USP38: variants seen among roughly 807,000 people sequenced by gnomAD.
USP38 encodes ubiquitin carboxyl-terminal hydrolase 38.
A neutral mutation model predicts 94.3 loss-of-function variants in USP38; 49 were observed. That is an observed-to-expected ratio of 0.52 (90% CI 0.41 to 0.66). USP38 has a LOEUF of 0.66. USP38 is among the 30% of genes least tolerant of loss of function. The pLI, the probability that USP38 is intolerant of heterozygous loss-of-function variation, is 0.00. For missense variants in USP38, 1,128 were observed against 1,229.4 expected, an observed-to-expected ratio of 0.92 and a Z score of 1.23; for synonymous variants, 468 against 463.6, an observed-to-expected ratio of 1.01 and a Z score of -0.12.
chr4:143,215,059 CT>C, intron 9 of USP38, 116 bp downstream of exon 9: 1 of 1,037,588 alleles, frequency 9.6e-7, no homozygotes, highest in Non-Finnish European at 1.4e-6. Context: ...AAATATAGGT[CT>C]GGATTTACAT....
chr4:143,189,443 T>C (rs913000178), intron 2 of USP38, among the ~76,000 whole-genome samples: 5 of 152,050 alleles, frequency 3.3e-5, no homozygotes, highest in Non-Finnish European at 7.4e-5. Context: ...TGTGCCCCTG[T>C]TATAAAATTA....
In USP38 at chr4:143,203,576, T is replaced by C; in HGVS notation, c.1209+10T>C. ...TCTGGAGGCAATAAAGGTATGATGA[T>C]AGTTGTACCAATATTTGTGGAGTTG... is the stretch of plus-strand genomic sequence containing the variant. On this transcript the variant is annotated intron_variant, in intron 5 of 9. Transcript: ENST00000307017. 1 of 1,602,478 alleles carries C rather than the reference T, an allele frequency of 6.2e-7. No individual in the cohort carries two copies. Among genetic ancestry groups the C allele is most frequent in the African/African-American group, 1.3e-5 (1 of 74,564 alleles).
chr4:143,209,317 G>A (rs570822727), intron 6 of USP38, among the ~76,000 whole-genome samples: 72 of 151,914 alleles, frequency 4.7e-4, no homozygotes, highest in Non-Finnish European at 9.9e-4. Context: ...ATAAATTCTT[G>A]AACTAACTTG....
rs1481450914 is a variant in USP38 at position 143,221,847 on chromosome 4, T to C, written c.*1391T>C. 6.6e-6 allele frequency: 1 copy of C among 152,094 alleles called. No homozygotes were observed. The highest frequency in any genetic ancestry group is 1.5e-5 in the Non-Finnish European group (1 of 67,958). 9.4% of individuals were successfully genotyped at this position (152,094 alleles called of 1,614,324 possible). ...TATGACAGTGGTTAAAAAACAGAAA[T>C]CCTCATGTTTATTCCATTACCTCCC... is the stretch of plus-strand genomic sequence containing the variant. On this transcript the variant is annotated 3_prime_UTR_variant, in exon 10 of 10. Coordinates refer to ENST00000307017, the MANE Select transcript of USP38 (RefSeq NM_032557.6).
At chr4:143,187,064 A>G (rs779899256) in intron 1 of USP38, among the ~76,000 whole-genome samples, 2 of 152,078 alleles carry the variant, frequency 1.3e-5, no homozygotes, top group Non-Finnish European at 2.9e-5. Context: ...CAAACGATGT[A>G]TTTGCAGTAT....
Position 143,213,850 on chromosome 4 carries a change from C to G in USP38, c.1874C>G (p.Ser625Cys), listed in dbSNP as rs148022045. 2.4e-5 allele frequency: 39 copies of G among 1,613,862 alleles called. No individual in the cohort carries two copies. The African/African-American group carries it at 5.1e-4, about 21-fold the overall frequency. The part of the protein sequence containing the change: ...DLSLAFCPSS[S>C]LENMSVQDPA... ...TCGCTTGCCTTTTGTCCTTCCTCTT[C>G]TTTGGAAAACATGTCTGTCCAAGAT... The change falls in exon 9 of 10, where the codon TCT becomes TGT. Residue 625 changes from serine to cysteine, a missense_variant. Physicochemically the swap from Ser to Cys is moderately radical, Grantham distance 112. Coordinates refer to ENST00000307017, the MANE Select transcript of USP38 (RefSeq NM_032557.6).
intron 7 of USP38, among the ~76,000 whole-genome samples, chr4:143,210,660 T>C (rs974995500): frequency 6.6e-6 from 1 of 151,704 alleles, no homozygotes; most frequent in African/African-American, 2.4e-5. Flanking sequence ...GAGTAATATA[T>C]ATGTCATTAT....
Position 143,185,409 on chromosome 4 carries a change from C to G in USP38, c.-42C>G. 2.0e-6 allele frequency: 3 copies of G among 1,524,962 alleles called. No individual in the cohort carries two copies. Among genetic ancestry groups the G allele is most frequent in the South Asian group, 1.3e-5 (1 of 76,898 alleles). 94.5% of individuals were successfully genotyped at this position (1,524,962 alleles called of 1,614,324 possible). ...TGCCCCACCTCGGGGCTGCCGCCAC[C>G]CGCTCCTTATCCCCTGGCCCTGGCC... is the stretch of plus-strand genomic sequence containing the variant. On this transcript the variant is annotated 5_prime_UTR_variant, in exon 1 of 10. Coordinates refer to ENST00000307017, the MANE Select transcript of USP38 (RefSeq NM_032557.6).
At chr4:143,202,865 A>G (rs796250584) in intron 4 of USP38, among the ~76,000 whole-genome samples, 4 of 152,142 alleles carry the variant, frequency 2.6e-5, no homozygotes, top group African/African-American at 7.2e-5. Context: ...CCACTCTAAC[A>G]TAAGGCATGG....
intron 2 of USP38, among the ~76,000 whole-genome samples, chr4:143,195,115 G>T (rs539411214): frequency 6.6e-6 from 1 of 152,080 alleles, no homozygotes; most frequent in African/African-American, 2.4e-5. Context: ...ATATTAGACT[G>T]TACTCACCAG....
At position 143,185,395 on chromosome 4, in the gene USP38, G is replaced by C; in HGVS notation, c.-56G>C. The C allele has an allele frequency of 2.0e-6, 3 of 1,515,044 alleles. No homozygotes were observed. The highest frequency in any genetic ancestry group is 2.2e-5 in the Admixed American group (1 of 45,662). 93.9% of individuals were successfully genotyped at this position (1,515,044 alleles called of 1,614,324 possible). On this transcript the variant is annotated 5_prime_UTR_variant, in exon 1 of 10. Transcript: ENST00000307017. ...CCCCGGGGCTCTCCTGCCCCACCTC[G>C]GGGCTGCCGCCACCCGCTCCTTATC...
At chr4:143,186,408 C>G (rs1266449719) in intron 1 of USP38, among the ~76,000 whole-genome samples, 1 of 152,214 alleles carries the variant, frequency 6.6e-6, no homozygotes. Flanking sequence ...AGCCTCTGCT[C>G]AAGTTATTTG....
rs1167170146 is a variant in USP38 at position 143,195,883 on chromosome 4, C to T, written c.948+38C>T. The T allele has an allele frequency of 7.2e-6, 11 of 1,521,316 alleles. 1 individual carries two copies. Among genetic ancestry groups the T allele is most frequent in the African/African-American group, 5.6e-5 (4 of 71,662 alleles). 94.2% of individuals were successfully genotyped at this position (1,521,316 alleles called of 1,614,324 possible). A position where few individuals can be genotyped will look rare whatever the true frequency, so the allele number is the denominator to read the frequency against. ...ATGGAAATCTATTAGAATATATAGACTCATAAAATCAATATTTTTTTCTTT... is the reference window on the plus strand; with the variant it reads ...ATGGAAATCTATTAGAATATATAGATTCATAAAATCAATATTTTTTTCTTT... On this transcript the variant is annotated intron_variant, in intron 3 of 9. Transcript: ENST00000307017.
chr4:143,187,433 A>T lies in USP38; in HGVS notation c.683-393A>T, dbSNP rs974961264. Among the ~76,000 whole-genome samples, 5 of 151,934 alleles carry T rather than the reference A, an allele frequency of 3.3e-5. No individual in the cohort carries two copies. In the South Asian group the frequency reaches 1.0e-3, roughly 32 times the overall value. On this transcript the variant is annotated intron_variant, in intron 1 of 9. Coordinates refer to ENST00000307017, the MANE Select transcript of USP38 (RefSeq NM_032557.6). The stretch of plus-strand genomic sequence containing the variant: ...GAGGGATGTAATGATCAATAAGTTT[A>T]AAGTTATTTTGGAGGGTCTGAAGTG...
At chr4:143,201,301 T>C (rs1227982723) in intron 4 of USP38, among the ~76,000 whole-genome samples, 1 of 152,212 alleles carries the variant, frequency 6.6e-6, no homozygotes, top group Admixed American at 6.5e-5. Context: ...CTTCAATAAA[T>C]GGTGCTTTGA....
chr4:143,214,283 A>C lies in USP38; in HGVS notation c.2307A>C (p.Ser769=), dbSNP rs112533040. 88 of 1,613,238 alleles carry C rather than the reference A, an allele frequency of 5.5e-5. No individual in the cohort carries two copies. Among genetic ancestry groups the C allele is most frequent in the Admixed American group, 1.0e-4 (6 of 59,854 alleles). ...EYLILTLLRF[S]YDQKYHVRRK... Reference sequence around the variant, plus strand: ...TTATTCTTACTCTCCTGAGATTTTCATATGATCAGAAGTATCATGTGAGAA... The same window carrying C: ...TTATTCTTACTCTCCTGAGATTTTCCTATGATCAGAAGTATCATGTGAGAA... Residue 769 remains serine (S), a synonymous_variant, in exon 9 of 10, where the codon TCA becomes TCC. Coordinates refer to ENST00000307017, the MANE Select transcript of USP38 (RefSeq NM_032557.6).
In USP38 at chr4:143,220,534, T is replaced by C; in HGVS notation, c.*78T>C. The C allele has an allele frequency of 1.5e-6, 2 of 1,355,074 alleles. No homozygotes were observed. Among genetic ancestry groups the C allele is most frequent in the Non-Finnish European group, 9.7e-7 (1 of 1,032,020 alleles). The allele number at this position is 1,355,074 out of a possible 1,614,324, so 83.9% of individuals were successfully genotyped here. ...TTAAAATGTCAGACTATAACAAATATCTATCTTTTATTTTTCATTAGACCC... is the reference window on the plus strand; with the variant it reads ...TTAAAATGTCAGACTATAACAAATACCTATCTTTTATTTTTCATTAGACCC... On this transcript the variant is annotated 3_prime_UTR_variant, in exon 10 of 10. Transcript: ENST00000307017.
At chr4:143,197,510 C>T (rs991757319) in intron 3 of USP38, among the ~76,000 whole-genome samples, 5 of 152,116 alleles carry the variant, frequency 3.3e-5, no homozygotes, top group African/African-American at 4.8e-5. Flanking sequence ...ATAGTATGTG[C>T]TTAACAAATA....
chr4:143,193,093 C>G (rs1187668174), intron 2 of USP38, among the ~76,000 whole-genome samples: 4 of 152,168 alleles, frequency 2.6e-5, no homozygotes, highest in Non-Finnish European at 4.4e-5. Flanking sequence ...AAAGAATCCA[C>G]AGAGCCAAGA....
Sources: gnomAD v4.1 joint callset for allele counts (sites outside exome capture counted in the v4.1 genomes callset) on GRCh38, gnomAD v4.1.1 for gene constraint, MANE v1.5 for transcripts, NCBI Gene and HGNC (gene_info 2026-07-23, HGNC 2026-07-21) for gene names.